The following NLGN1 variants were observed in gnomAD, a reference collection of about 807,000 sequenced individuals.
NLGN1 encodes the protein neuroligin 1.
NLGN1 carries 12 observed loss-of-function variants against 65.5 expected under a neutral mutation model. The observed-to-expected ratio is 0.18, with a 90% CI of 0.12 to 0.30. NLGN1 has a LOEUF of 0.30. Ranked by LOEUF, NLGN1 falls within the 10% of genes least tolerant of loss-of-function variation. The pLI is 1.00. For missense variants in NLGN1, 750 were observed against 1,007.1 expected (o/e 0.74, Z 3.46); for synonymous variants, 350 against 359.5 (o/e 0.97, Z 0.30).
intron 3 of NLGN1, among the ~76,000 whole-genome samples, chr3:173,613,022 A>C (rs948250338): frequency 1.3e-5 from 2 of 152,108 alleles, no homozygotes; most frequent in Admixed American, 6.6e-5. Context: ...GTAATTAATT[A>C]TATCTGTAAC....
intron 3 of NLGN1, among the ~76,000 whole-genome samples, chr3:173,754,240 G>T (rs1776766515): frequency 1.3e-5 from 2 of 151,508 alleles, no homozygotes; most frequent in Admixed American, 6.6e-5. Flanking sequence ...TAGAGATGGG[G>T]TTTCACCATT....
intron 3 of NLGN1, among the ~76,000 whole-genome samples, chr3:173,690,232 T>C (rs1304243223): frequency 6.6e-6 from 1 of 152,178 alleles, no homozygotes; most frequent in Non-Finnish European, 1.5e-5. Flanking sequence ...GCTAAAACAT[T>C]TTTTAAAAGT....
intron 4 of NLGN1, among the ~76,000 whole-genome samples, chr3:173,917,734 C>G (rs1741023890): frequency 6.6e-6 from 1 of 152,088 alleles, no homozygotes; most frequent in Non-Finnish European, 1.5e-5. Flanking sequence ...TCAGCAGACA[C>G]GATGTCTAAC....
chr3:173,864,217 G>A (rs576401977), intron 4 of NLGN1, among the ~76,000 whole-genome samples: 1 of 152,200 alleles, frequency 6.6e-6, no homozygotes, highest in African/African-American at 2.4e-5. Context: ...ATAACCTTTT[G>A]TCTCCATTTT....
At chr3:173,961,889 C>G (rs534139674) in intron 4 of NLGN1, among the ~76,000 whole-genome samples, 7 of 152,178 alleles carry the variant, frequency 4.6e-5, no homozygotes, top group Middle Eastern at 6.8e-3. Flanking sequence ...CTACTCAGCT[C>G]TCCCCACAAA....
intron 4 of NLGN1, among the ~76,000 whole-genome samples, chr3:174,096,207 A>G (rs1053991707): frequency 6.7e-6 from 1 of 149,716 alleles, no homozygotes; most frequent in African/African-American, 2.4e-5. Flanking sequence ...TATGTAATAT[A>G]TATGTGTATA....
At chr3:174,161,144 T>C (rs6768717) in intron 4 of NLGN1, among the ~76,000 whole-genome samples, 41,390 of 151,618 alleles carry the variant, frequency 0.27, 7,319 homozygotes, top group African/African-American at 0.51. Flanking sequence ...CTTTTTTCTA[T>C]CAAGTTGCAT....
chr3:174,039,709 T>A (rs148509042), intron 4 of NLGN1, among the ~76,000 whole-genome samples: 188 of 152,210 alleles, frequency 1.2e-3, no homozygotes, highest in African/African-American at 4.4e-3. Context: ...AATAGAGTGA[T>A]TTCCAGGGCC....
intron 4 of NLGN1, among the ~76,000 whole-genome samples, chr3:173,813,331 C>T (rs1718367798): frequency 6.6e-6 from 1 of 152,084 alleles, no homozygotes; most frequent in Admixed American, 6.6e-5. Flanking sequence ...CAAAAAACTT[C>T]AAGTGGGATC....
intron 3 of NLGN1, chr3:173,685,800 A>G: frequency 2.0e-6 from 2 of 985,370 alleles, no homozygotes; most frequent in Non-Finnish European, 2.4e-6. Flanking sequence ...AGGTAAGCAC[A>G]ATGAGAGGGT....
chr3:174,250,838 G>T (rs1360363933), intron 4 of NLGN1, among the ~76,000 whole-genome samples: 6 of 152,092 alleles, frequency 3.9e-5, no homozygotes, highest in Non-Finnish European at 8.8e-5. Context: ...AGCCTTGCTT[G>T]TTCCTTTGAG....
chr3:173,593,470 G>T (rs188064248), intron 2 of NLGN1, among the ~76,000 whole-genome samples: 41 of 152,206 alleles, frequency 2.7e-4, no homozygotes, highest in Non-Finnish European at 2.1e-4. Context: ...AAATTACTGT[G>T]GAAAAAAGTA....
intron 4 of NLGN1, among the ~76,000 whole-genome samples, chr3:174,106,008 A>G (rs1713700397): frequency 6.6e-6 from 1 of 152,140 alleles, no homozygotes; most frequent in Admixed American, 6.6e-5. Context: ...GAGAATCTAT[A>G]TTTTACTTGA....
At chr3:173,624,368 A>G (rs1248572201) in intron 3 of NLGN1, among the ~76,000 whole-genome samples, 2 of 152,168 alleles carry the variant, frequency 1.3e-5, no homozygotes, top group Non-Finnish European at 2.9e-5. Context: ...CACTTCATGC[A>G]TGGATTTAAT....
chr3:173,636,259 G>GT (rs920892631), intron 3 of NLGN1, among the ~76,000 whole-genome samples: 3 of 151,004 alleles, frequency 2.0e-5, no homozygotes, highest in African/African-American at 4.9e-5. Context: ...TTGCACACTG[G>GT]TTTTTTTTGG....
At chr3:173,485,286 GA>G (rs1307131392) in intron 2 of NLGN1, among the ~76,000 whole-genome samples, 1 of 152,078 alleles carries the variant, frequency 6.6e-6, no homozygotes, top group East Asian at 1.9e-4. Context: ...AATGAGATTT[GA>G]ATGGGGACAC....
rs1737283838 is a variant in NLGN1, at chr3:173,901,171, T to A, written c.646+93339T>A. On this transcript the variant is annotated intron_variant, in intron 4 of 6. Coordinates refer to ENST00000457714, the Ensembl canonical transcript of NLGN1. ...CCAAAAAAATCCCTTTACTAGTGTT[T>A]GTCATGGAATTGAGATTAATAATGC... 2.0e-5 allele frequency among the ~76,000 whole-genome samples: 3 copies of A among 152,016 alleles called. No individual in the cohort carries two copies. The East Asian group carries it at 5.8e-4, about 29-fold the overall frequency.
At chr3:174,278,614 C>G (rs1211335445) in intron 5 of NLGN1, among the ~76,000 whole-genome samples, 3 of 151,930 alleles carry the variant, frequency 2.0e-5, no homozygotes, top group Non-Finnish European at 4.4e-5. Flanking sequence ...TTCTTGCCTA[C>G]TACCTCTTTG....
intron 3 of NLGN1, among the ~76,000 whole-genome samples, chr3:173,713,312 T>G (rs1214885967): frequency 6.6e-6 from 1 of 152,190 alleles, no homozygotes; most frequent in Non-Finnish European, 1.5e-5. Context: ...ATGAAATATT[T>G]GTATTATTTG....
Sources: gnomAD v4.1 joint callset for allele counts (sites outside exome capture counted in the v4.1 genomes callset) on GRCh38, gnomAD v4.1.1 for gene constraint, MANE v1.5 for transcripts, NCBI Gene and HGNC (gene_info 2026-07-23, HGNC 2026-07-21) for gene names.